ROBO2: variants seen among roughly 807,000 people sequenced by gnomAD.
ROBO2 encodes the protein roundabout guidance receptor 2, also known as roundabout homolog 2.
A neutral mutation model predicts 160.8 loss-of-function variants in ROBO2; 53 were observed. The observed-to-expected ratio is 0.33, with a 90% confidence interval of 0.26 to 0.41. The LOEUF is 0.41. ROBO2 is among the 10% of genes least tolerant of loss of function. The pLI, the probability that ROBO2 is intolerant of heterozygous loss-of-function variation, is 1.00. For missense variants in ROBO2, 1,577 were observed against 1,722.4 expected (o/e 0.92, Z 1.49); for synonymous variants, 664 against 611.7 (o/e 1.09, Z -1.26).
intron 22 of ROBO2, 90 bp from the exon 24 acceptor site, chr3:77,622,137 G>A (rs918064991): frequency 4.5e-6 from 5 of 1,123,448 alleles, no homozygotes; most frequent in African/African-American, 1.6e-5. Flanking sequence ...AAGACAGTAT[G>A]AGTTACTATA....
chr3:76,168,308 A>G (rs1015474326), intron 2 of ROBO2, among the ~76,000 whole-genome samples: 1 of 152,190 alleles, frequency 6.6e-6, no homozygotes, highest in Non-Finnish European at 1.5e-5. Context: ...ATTGAACTTC[A>G]GAAGTCATAT....
chr3:76,538,930 A>T (rs1410025016), intron 2 of ROBO2, among the ~76,000 whole-genome samples: 1 of 152,118 alleles, frequency 6.6e-6, no homozygotes, highest in Non-Finnish European at 1.5e-5. Flanking sequence ...AACAGCAAAG[A>T]CTTGGAACCA....
intron 11 of ROBO2, chr3:77,564,300 G>A (rs984363398): frequency 6.2e-6 from 2 of 323,384 alleles, no homozygotes; most frequent in East Asian, 8.8e-5. Flanking sequence ...GCATCCATCT[G>A]TGGCTGGCTG....
At chr3:76,823,612 T>A (rs913927002) in intron 2 of ROBO2, among the ~76,000 whole-genome samples, 1 of 152,158 alleles carries the variant, frequency 6.6e-6, no homozygotes, top group African/African-American at 2.4e-5. Context: ...ATGAGTGCGA[T>A]GAGCTCGCTC....
At chr3:76,582,250 C>A (rs187538347) in intron 2 of ROBO2, among the ~76,000 whole-genome samples, 5 of 152,236 alleles carry the variant, frequency 3.3e-5, no homozygotes, top group African/African-American at 9.6e-5. Flanking sequence ...ATAAGATTGA[C>A]CCTTCAAATC....
intron 2 of ROBO2, among the ~76,000 whole-genome samples, chr3:76,393,013 A>G (rs1159357282): frequency 2.0e-5 from 3 of 152,186 alleles, no homozygotes; most frequent in African/African-American, 7.2e-5. Flanking sequence ...GTGAAGATGT[A>G]TTATGAAACT....
chr3:76,085,920 GGA>G (rs2068997388), intron 2 of ROBO2, among the ~76,000 whole-genome samples: 1 of 152,142 alleles, frequency 6.6e-6, no homozygotes, highest in Non-Finnish European at 1.5e-5. Context: ...CTTCTGGCAG[GGA>G]GAGGGATAAA....
chr3:77,495,082 C>T (rs2086618837), intron 5 of ROBO2, among the ~76,000 whole-genome samples: 1 of 152,086 alleles, frequency 6.6e-6, no homozygotes, highest in South Asian at 2.1e-4. Context: ...TTGTTACTGT[C>T]CATCCTCTAT....
At chr3:77,152,242 C>A (rs2077607484) in intron 2 of ROBO2, among the ~76,000 whole-genome samples, 1 of 151,890 alleles carries the variant, frequency 6.6e-6, no homozygotes, top group South Asian at 2.1e-4. Flanking sequence ...ACAATGTAAG[C>A]CATATAAATC....
intron 2 of ROBO2, among the ~76,000 whole-genome samples, chr3:76,003,947 A>T (rs569810666): frequency 6.6e-6 from 1 of 152,330 alleles, no homozygotes; most frequent in East Asian, 1.9e-4. Flanking sequence ...ACTGGTGAGG[A>T]TATGTAGAAA....
At chr3:76,829,303 A>G (rs980576095) in intron 2 of ROBO2, among the ~76,000 whole-genome samples, 2 of 152,068 alleles carry the variant, frequency 1.3e-5, no homozygotes, top group African/African-American at 2.4e-5. Flanking sequence ...ATATCTTTTC[A>G]TGTTTCATGT....
At chr3:77,000,355 C>T (rs777546324) in intron 2 of ROBO2, among the ~76,000 whole-genome samples, 4 of 152,162 alleles carry the variant, frequency 2.6e-5, no homozygotes, top group Non-Finnish European at 5.9e-5. Flanking sequence ...AATAGATCCA[C>T]ACCCTGCCTC....
At chr3:76,548,330 A>G (rs1023610718) in intron 2 of ROBO2, among the ~76,000 whole-genome samples, 6 of 152,164 alleles carry the variant, frequency 3.9e-5, no homozygotes, top group Non-Finnish European at 5.9e-5. Context: ...TGTTTTTCCC[A>G]GTTGAATCTG....
rs541793683 is a variant in ROBO2, at chr3:77,637,825, C to T, written c.3934+2782C>T. Among the ~76,000 whole-genome samples, 3 of 151,990 alleles carry T rather than the reference C, an allele frequency of 2.0e-5. No individual in the cohort carries two copies. The East Asian group carries it at 5.8e-4, about 29-fold the overall frequency. ...AATACAGATCTCTTTTTTTCTAAGA[C>T]ACTTTTATTGCAAGCTTTTTTAGAA... is the stretch of plus-strand genomic sequence containing the variant. On this transcript the variant is annotated intron_variant, in intron 24 of 25. Coordinates refer to ENST00000461745, the Ensembl canonical transcript of ROBO2.
chr3:76,621,121 T>A (rs576940465), intron 2 of ROBO2, among the ~76,000 whole-genome samples: 311 of 144,554 alleles, frequency 2.2e-3, no homozygotes, highest in African/African-American at 5.9e-3. Context: ...CATATCTTTT[T>A]TAGTTTATGC....
In ROBO2 at chr3:76,294,608, A is replaced by G. The variant is rs1708975729; in HGVS notation, c.109+357006A>G. Among the ~76,000 whole-genome samples the G allele has an allele frequency of 1.3e-5, 2 of 152,208 alleles. 1 individual carries two copies. The highest frequency in any genetic ancestry group is 4.1e-4 in the South Asian group (2 of 4,830). ...ATATATTCCAAGTGCTGACTCTGAA[A>G]TGTGACGGTAGAATGCTTCTCCATA... is the stretch of plus-strand genomic sequence containing the variant. On this transcript the variant is annotated intron_variant, in intron 2 of 26. Coordinates refer to the ROBO2 transcript ENST00000487694.
intron 2 of ROBO2, among the ~76,000 whole-genome samples, chr3:76,762,654 T>C (rs1192006017): frequency 3.3e-5 from 5 of 151,652 alleles, no homozygotes; most frequent in Non-Finnish European, 7.4e-5. Context: ...ACACTTCACG[T>C]TCTGGTTTTA....
At chr3:76,992,325 CTA>C (rs10530833) in intron 2 of ROBO2, among the ~76,000 whole-genome samples, 3,920 of 46,010 alleles carry the variant, frequency 0.085, 85 homozygotes, top group Non-Finnish European at 0.11. Context: ...CCATGTATTA[CTA>C]TATATATATA....
At chr3:76,052,536 T>G (rs1048205834) in intron 2 of ROBO2, among the ~76,000 whole-genome samples, 6 of 152,064 alleles carry the variant, frequency 3.9e-5, no homozygotes, top group African/African-American at 9.7e-5. Flanking sequence ...ATGAAGTATT[T>G]TTAAAACTTA....
Sources: allele counts gnomAD v4.1 joint callset (sites outside exome capture counted in the v4.1 genomes callset), GRCh38; gene constraint gnomAD v4.1.1; transcripts MANE v1.5; gene names NCBI Gene and HGNC (gene_info 2026-07-23, HGNC 2026-07-21).